Variants in RCBTB1 observed in about 807,000 individuals in gnomAD.
RCBTB1 encodes the protein RCC1 and BTB domain-containing protein 1.
RCBTB1 carries 46 observed loss-of-function variants against 62.4 expected under a neutral mutation model. That is an observed-to-expected ratio of 0.74 (90% confidence interval 0.58 to 0.94). The LOEUF is 0.94. Ranked by LOEUF, RCBTB1 falls within the 40% of genes least tolerant of loss-of-function variation. The pLI, the probability that RCBTB1 is intolerant of heterozygous loss-of-function variation, is 0.00. For missense variants in RCBTB1, 565 were observed against 654.9 expected, an observed-to-expected ratio of 0.86 and a Z score of 1.50; for synonymous variants, 222 against 245.8, an observed-to-expected ratio of 0.90 and a Z score of 0.91.
chr13:49,557,408 T>C (rs58478517), intron 5 of RCBTB1, among the ~76,000 whole-genome samples: 2,224 of 152,156 alleles, frequency 0.015, 46 homozygotes, highest in African/African-American at 0.05. Context: ...ACAGAATCAA[T>C]AGGATGAGTG....
At chr13:49,536,879 T>G (rs1293328520) in intron 12 of RCBTB1, among the ~76,000 whole-genome samples, 1 of 152,356 alleles carries the variant, frequency 6.6e-6, no homozygotes, top group South Asian at 2.1e-4. Flanking sequence ...CTGAAGTAAT[T>G]TATAAATCAT....
intron 9 of RCBTB1, among the ~76,000 whole-genome samples, chr13:49,548,305 C>T (rs1452484375): frequency 6.6e-6 from 1 of 150,868 alleles, no homozygotes; most frequent in African/African-American, 2.4e-5. Context: ...GGCAGGAGAA[C>T]TTGAACCTGG....
Position 49,549,579 on chromosome 13 carries a change from G to A in RCBTB1, c.924C>T (p.Tyr308=). ...SAAKTQGGHV[Y]MWGQCRGQSV... is the part of the protein sequence containing the mutation. ...ACTGACCCCGGCACTGGCCCCACAT[G>A]TACACGTGCCCACCCTGCGTCTTGG... is the stretch of plus-strand genomic sequence containing the variant. Residue 308 remains tyrosine, a synonymous_variant, in exon 9 of 13, where the codon TAC becomes TAT. Coordinates refer to ENST00000378302, the MANE Select transcript of RCBTB1 (RefSeq NM_018191.4). 1 of 1,614,186 alleles carries A rather than the reference G, an allele frequency of 6.2e-7. No homozygotes were observed. The highest frequency in any genetic ancestry group is 8.5e-7 in the Non-Finnish European group (1 of 1,180,016).
At chr13:49,571,600 G>A (rs1963404989) in intron 2 of RCBTB1, among the ~76,000 whole-genome samples, 1 of 152,190 alleles carries the variant, frequency 6.6e-6, no homozygotes, top group Non-Finnish European at 1.5e-5. Flanking sequence ...CTGGGCAGCT[G>A]AGAACATGAA....
chr13:49,570,005 C>CAAGCCATATA (rs1218896858), intron 2 of RCBTB1, among the ~76,000 whole-genome samples: 2 of 152,148 alleles, frequency 1.3e-5, no homozygotes, highest in Non-Finnish European at 2.9e-5. Flanking sequence ...CATAAGAAGT[C>CAAGCCATATA]AAGCCATATA....
Position 49,565,682 on chromosome 13 carries a change from T to A in RCBTB1, c.277+936A>T, listed in dbSNP as rs1477895802. The stretch of plus-strand genomic sequence containing the variant: ...CTGCCCGGCCGCCCCGTCTGAGAAG[T>A]GAGGAGCCCCTCCACCCGGCAGCCA... On this transcript the variant is annotated intron_variant, in intron 4 of 12. Transcript: ENST00000378302. Among the ~76,000 whole-genome samples, 7 of 147,036 alleles carry A rather than the reference T, an allele frequency of 4.8e-5. 3 individuals are homozygous for A. The highest frequency in any genetic ancestry group is 1.0e-4 in the Non-Finnish European group (7 of 67,378).
intron 2 of RCBTB1, among the ~76,000 whole-genome samples, chr13:49,579,095 C>T (rs901513118): frequency 1.1e-4 from 16 of 152,308 alleles, no homozygotes; most frequent in African/African-American, 3.8e-4. Context: ...TGAGCAAATG[C>T]TGTCTCATTG....
At chr13:49,536,685 C>T (rs571176190) in intron 12 of RCBTB1, among the ~76,000 whole-genome samples, 1 of 152,036 alleles carries the variant, frequency 6.6e-6, no homozygotes, top group Admixed American at 6.5e-5. Flanking sequence ...CTCTTATAGC[C>T]CATGGAATAG....
intron 2 of RCBTB1, among the ~76,000 whole-genome samples, chr13:49,579,103 T>C (rs1963947291): frequency 6.6e-6 from 1 of 152,214 alleles, no homozygotes; most frequent in Non-Finnish European, 1.5e-5. Flanking sequence ...TGCTGTCTCA[T>C]TGAGATACCA....
chr13:49,571,877 T>C (rs1218662160), intron 2 of RCBTB1, among the ~76,000 whole-genome samples: 2 of 152,192 alleles, frequency 1.3e-5, no homozygotes, highest in African/African-American at 2.4e-5. Context: ...GAAAACCACA[T>C]TAAGGATCAT....
chr13:49,562,776 CT>C (rs58896397), intron 4 of RCBTB1, among the ~76,000 whole-genome samples: 22 of 61,362 alleles, frequency 3.6e-4, no homozygotes, highest in African/African-American at 9.1e-4. Flanking sequence ...CCATCCCCGG[CT>C]TTTTTTTTTT....
At chr13:49,562,988 A>C (rs990322395) in intron 4 of RCBTB1, among the ~76,000 whole-genome samples, 14 of 151,590 alleles carry the variant, frequency 9.2e-5, no homozygotes, top group Non-Finnish European at 1.9e-4. Context: ...AATACAATAA[A>C]TTAAAAATTA....
In RCBTB1 at chr13:49,564,898, AAAAG is replaced by A. The variant is rs1256591919; in HGVS notation, c.277+1716_277+1719del. On this transcript the variant is annotated intron_variant, in intron 4 of 12. Coordinates refer to ENST00000378302, the MANE Select transcript of RCBTB1 (RefSeq NM_018191.4). Reference sequence around the variant, plus strand: ...AGAGAGAGACTCCGTCTCAAAAAAAAAAAGAAAGAAAGAAAAGAAAAACGTACCA... The same window carrying A: ...AGAGAGAGACTCCGTCTCAAAAAAAAAAAGAAAGAAAAGAAAAACGTACCA... Among the ~76,000 whole-genome samples the A allele has an allele frequency of 5.3e-5, 8 of 149,790 alleles. No individual in the cohort carries two copies. The East Asian group carries it at 8.2e-4, about 15-fold the overall frequency.
At chr13:49,583,624 G>C (rs1964229222) in intron 1 of RCBTB1, among the ~76,000 whole-genome samples, 1 of 151,778 alleles carries the variant, frequency 6.6e-6, no homozygotes, top group African/African-American at 2.4e-5. Context: ...TCGGCTCACT[G>C]CAACCTCTGC....
chr13:49,538,946 T>C (rs186460932), intron 12 of RCBTB1, among the ~76,000 whole-genome samples: 44 of 150,944 alleles, frequency 2.9e-4, no homozygotes, highest in African/African-American at 8.5e-4. Flanking sequence ...AGTGCAGTGG[T>C]ACAACTTCTC....
At chr13:49,536,154 C>T (rs1959926699) in intron 12 of RCBTB1, among the ~76,000 whole-genome samples, 2 of 152,114 alleles carry the variant, frequency 1.3e-5, no homozygotes, top group South Asian at 2.1e-4. Flanking sequence ...TTAGTTTGAA[C>T]TACTGAGGTA....
intron 2 of RCBTB1, among the ~76,000 whole-genome samples, chr13:49,568,658 G>T (rs987710805): frequency 2.0e-5 from 3 of 151,222 alleles, no homozygotes; most frequent in South Asian, 2.1e-4. Flanking sequence ...CGGGGGAGGG[G>T]GGTGGCTCAC....
intron 8 of RCBTB1, 71 bp from the exon 9 acceptor site, chr13:49,549,719 T>G: frequency 6.6e-7 from 1 of 1,508,084 alleles, no homozygotes; most frequent in East Asian, 2.4e-5. Flanking sequence ...CACAAGGCAA[T>G]TTAAAAGTTC....
At chr13:49,555,776 T>C in intron 5 of RCBTB1, 103 bp from the exon 6 acceptor site, 1 of 847,654 alleles carries the variant, frequency 1.2e-6, no homozygotes, top group Non-Finnish European at 1.8e-6. Context: ...TAATGAGTAC[T>C]TAAGATGTGC....
Sources: gnomAD v4.1 joint callset for allele counts (sites outside exome capture counted in the v4.1 genomes callset) on GRCh38, gnomAD v4.1.1 for gene constraint, MANE v1.5 for transcripts, NCBI Gene and HGNC (gene_info 2026-07-23, HGNC 2026-07-21) for gene names.